PCDH7: variants seen among roughly 807,000 people sequenced by gnomAD.
PCDH7 encodes protocadherin-7.
PCDH7 carries 17 observed loss-of-function variants against 58.9 expected under a neutral mutation model. The observed-to-expected ratio is 0.29, with a 90% CI of 0.20 to 0.43. The LOEUF is 0.43. Among genes scored for constraint, PCDH7 ranks in the 20% least tolerant of loss-of-function variants. PCDH7 has a pLI of 1.00. For missense variants in PCDH7, 1,274 were observed against 1,441.0 expected, an observed-to-expected ratio of 0.88 and a Z score of 1.88; for synonymous variants, 664 against 616.4, an observed-to-expected ratio of 1.08 and a Z score of -1.14.
intron 3 of PCDH7, among the ~76,000 whole-genome samples, chr4:31,071,611 T>G (rs959858068): frequency 4.6e-5 from 7 of 152,046 alleles, no homozygotes; most frequent in Admixed American, 1.3e-4. Context: ...TCATTAGTGA[T>G]AAAATAATGG....
intron 1 of PCDH7, among the ~76,000 whole-genome samples, chr4:30,765,479 G>A (rs148162988): frequency 1.3e-5 from 2 of 152,122 alleles, no homozygotes; most frequent in Non-Finnish European, 2.9e-5. Context: ...AGTAGCATTA[G>A]AACCTGCTGT....
intron 1 of PCDH7, among the ~76,000 whole-genome samples, chr4:30,889,647 G>A (rs915543509): frequency 2.6e-5 from 4 of 152,124 alleles, no homozygotes; most frequent in African/African-American, 9.7e-5. Context: ...GACACTGGCA[G>A]ATTCCATGTC....
chr4:30,730,309 A>T (rs1020735760), intron 1 of PCDH7, among the ~76,000 whole-genome samples: 4 of 152,054 alleles, frequency 2.6e-5, no homozygotes, highest in African/African-American at 9.7e-5. Flanking sequence ...TTTTAAAAAA[A>T]CCCATAGAAT....
chr4:30,807,432 G>A (rs1398965433), intron 1 of PCDH7, among the ~76,000 whole-genome samples: 1 of 152,168 alleles, frequency 6.6e-6, no homozygotes, highest in African/African-American at 2.4e-5. Context: ...TTATGGACCA[G>A]GACATTGACC....
chr4:31,084,010 C>T (rs1281566240), intron 3 of PCDH7, among the ~76,000 whole-genome samples: 1 of 152,126 alleles, frequency 6.6e-6, no homozygotes, highest in African/African-American at 2.4e-5. Context: ...TGGGTCAATA[C>T]TTTTGCCATT....
At chr4:30,785,253 A>C (rs1483390054) in intron 1 of PCDH7, among the ~76,000 whole-genome samples, 1 of 152,042 alleles carries the variant, frequency 6.6e-6, no homozygotes, top group East Asian at 1.9e-4. Flanking sequence ...TTGGTTAGTA[A>C]ATAACGCACG....
At chr4:31,076,601 A>G (rs116472809) in intron 3 of PCDH7, among the ~76,000 whole-genome samples, 1,574 of 152,322 alleles carry the variant, frequency 0.01, 24 homozygotes, top group African/African-American at 0.036. Flanking sequence ...CAATTCTAAG[A>G]AAGCTACATT....
At chr4:31,099,482 G>A (rs1714612542) in intron 3 of PCDH7, among the ~76,000 whole-genome samples, 1 of 152,166 alleles carries the variant, frequency 6.6e-6, no homozygotes, top group African/African-American at 2.4e-5. Flanking sequence ...TCATGTTAGG[G>A]AAAGTGATGT....
At chr4:30,764,003 G>A (rs1720375462) in intron 1 of PCDH7, among the ~76,000 whole-genome samples, 4 of 152,110 alleles carry the variant, frequency 2.6e-5, no homozygotes, top group African/African-American at 9.7e-5. Context: ...CTCGGAGCTT[G>A]TTTCTTTTCA....
chr4:30,838,980 A>C (rs1308403527), intron 1 of PCDH7, among the ~76,000 whole-genome samples: 2 of 151,946 alleles, frequency 1.3e-5, no homozygotes, highest in African/African-American at 4.8e-5. Context: ...TTTACTTTGA[A>C]GTATTACATT....
chr4:30,769,851 A>G (rs373099149), intron 1 of PCDH7, among the ~76,000 whole-genome samples: 1 of 152,228 alleles, frequency 6.6e-6, no homozygotes, highest in South Asian at 2.1e-4. Flanking sequence ...CAGATGTGCC[A>G]TCCTGCAAAG....
intron 2 of PCDH7, among the ~76,000 whole-genome samples, chr4:30,937,032 A>G (rs751500570): frequency 1.9e-5 from 2 of 103,376 alleles, no homozygotes; most frequent in Non-Finnish European, 4.2e-5. Context: ...TGCTTAACTC[A>G]ATGGGAAGAG....
intron 3 of PCDH7, among the ~76,000 whole-genome samples, chr4:31,047,792 A>G (rs903468439): frequency 6.6e-5 from 10 of 151,958 alleles, no homozygotes; most frequent in African/African-American, 1.7e-4. Flanking sequence ...CTTGTTGATC[A>G]TTTTCTTCCT....
At chr4:31,117,594 G>A (rs1717158869) in intron 3 of PCDH7, among the ~76,000 whole-genome samples, 1 of 152,004 alleles carries the variant, frequency 6.6e-6, no homozygotes, top group South Asian at 2.1e-4. Context: ...TTCCTCCTGG[G>A]ATGTTAGCAT....
rs551024274 is a variant in PCDH7 at position 30,986,958 on chromosome 4, C to T, written c.*7+36743C>T. ...ATCACGCCACTGCACTCCAGCCTGACGACAGAGCGAGATTCCGTCTCAAAA... is the reference window on the plus strand; with the variant it reads ...ATCACGCCACTGCACTCCAGCCTGATGACAGAGCGAGATTCCGTCTCAAAA... On this transcript the variant is annotated intron_variant, in intron 3 of 3. Transcript: ENST00000509759. 4.0e-5 allele frequency among the ~76,000 whole-genome samples: 6 copies of T among 151,116 alleles called. No homozygotes were observed. The East Asian group carries it at 5.9e-4, about 15-fold the overall frequency.
At chr4:31,013,728 A>T (rs1007695469) in intron 3 of PCDH7, among the ~76,000 whole-genome samples, 31 of 152,182 alleles carry the variant, frequency 2.0e-4, no homozygotes, top group South Asian at 4.1e-4. Flanking sequence ...TGTATATTTT[A>T]CAATTGTCTG....
intron 3 of PCDH7, among the ~76,000 whole-genome samples, chr4:31,011,612 A>T (rs1343498094): frequency 6.6e-6 from 1 of 152,082 alleles, no homozygotes; most frequent in Non-Finnish European, 1.5e-5. Context: ...GACCCATAGA[A>T]TGAAAATCAC....
At chr4:30,990,248 A>T (rs1751357122) in intron 3 of PCDH7, among the ~76,000 whole-genome samples, 1 of 152,060 alleles carries the variant, frequency 6.6e-6, no homozygotes, top group Admixed American at 6.6e-5. Context: ...GAAATTGAAC[A>T]ATGTGCATAT....
chr4:31,017,868 G>A (rs188887964), intron 3 of PCDH7, among the ~76,000 whole-genome samples: 1 of 152,040 alleles, frequency 6.6e-6, no homozygotes, highest in Non-Finnish European at 1.5e-5. Context: ...CATTCAAGTG[G>A]CATTACTAAT....
Sources: allele counts gnomAD v4.1 joint callset (sites outside exome capture counted in the v4.1 genomes callset), GRCh38; gene constraint gnomAD v4.1.1; transcripts MANE v1.5; gene names NCBI Gene and HGNC (gene_info 2026-07-23, HGNC 2026-07-21).